The following SRRM4 variants were observed in gnomAD, a reference collection of about 807,000 sequenced individuals.
SRRM4 encodes serine/arginine repetitive matrix 4.
In SRRM4, 33 loss-of-function variants were observed where a neutral mutation model predicts 68.9. The ratio of observed to expected loss-of-function variants is 0.48; its 90% confidence interval spans 0.36 to 0.64. The LOEUF (loss-of-function observed/expected upper bound fraction) is 0.64, where lower values mean the gene tolerates loss of function less well. SRRM4 is among the 30% of genes least tolerant of loss of function. SRRM4 has a pLI of 0.00. For missense variants in SRRM4, 817 were observed against 827.1 expected (o/e 0.99, Z 0.15); for synonymous variants, 318 against 318.8 (o/e 1.00, Z 0.03).
chr12:119,063,398 C>A (rs1252284451), intron 1 of SRRM4, among the ~76,000 whole-genome samples: 1 of 152,090 alleles, frequency 6.6e-6, no homozygotes, highest in East Asian at 1.9e-4. Context: ...CATGGGCTGG[C>A]CAGAGACCCT....
chr12:119,137,575 G>T, intron 8 of SRRM4, among the ~76,000 whole-genome samples: 1 of 141,662 alleles, frequency 7.1e-6, no homozygotes, highest in Admixed American at 7.2e-5. Flanking sequence ...GAGATGAGGC[G>T]AGGTTTGGAG....
At chr12:119,091,578 A>T (rs916035313) in intron 1 of SRRM4, among the ~76,000 whole-genome samples, 29 of 152,218 alleles carry the variant, frequency 1.9e-4, no homozygotes, top group African/African-American at 6.8e-4. Flanking sequence ...ACCATGTGCC[A>T]GATACTAAGT....
rs752707970 is a variant in SRRM4 at position 118,981,553 on chromosome 12, A to G, written c.-330A>G. Reference sequence around the variant, plus strand: ...CCGGAGCTCACACGCGCACGCACACACATCCGACCCCGTCGCCTCTTCTCT... The same window carrying G: ...CCGGAGCTCACACGCGCACGCACACGCATCCGACCCCGTCGCCTCTTCTCT... On this transcript the variant is annotated 5_prime_UTR_variant, in exon 1 of 13. Transcript: ENST00000267260. 25 of 248,252 alleles carry G rather than the reference A, an allele frequency of 1.0e-4. No individual in the cohort carries two copies. Among genetic ancestry groups the G allele is most frequent in the Non-Finnish European group, 6.2e-5 (8 of 129,064 alleles). The allele number at this position is 248,252 out of a possible 1,614,324, so 15.4% of individuals were successfully genotyped here.
intron 2 of SRRM4, among the ~76,000 whole-genome samples, chr12:119,111,072 T>C (rs938382171): frequency 3.3e-5 from 5 of 152,186 alleles, no homozygotes; most frequent in Non-Finnish European, 5.9e-5. Context: ...TAACTACCAT[T>C]TGTTTAACCA....
At position 119,120,230 on chromosome 12, in the gene SRRM4, TTTTC is replaced by T. The variant is rs1259599061; in HGVS notation, c.438-8_438-5del. The T allele has an allele frequency of 3.3e-6, 5 of 1,531,662 alleles. No homozygotes were observed. Among genetic ancestry groups the T allele is most frequent in the Non-Finnish European group, 4.4e-6 (5 of 1,131,996 alleles). The allele number at this position is 1,531,662 out of a possible 1,614,324, so 94.9% of individuals were successfully genotyped here. A position where few individuals can be genotyped will look rare whatever the true frequency, so the allele number is the denominator to read the frequency against. ...TTTCTTTGATTCTTCTTTTCATTTT[TTTTC>T]TTTCTTTCTTTTCAGGTCATTCTCC... On this transcript the variant is annotated splice_polypyrimidine_tract_variant and intron_variant, in intron 4 of 12. Transcript: ENST00000267260.
chr12:119,107,006 G>A (rs1157090496), intron 2 of SRRM4, among the ~76,000 whole-genome samples: 2 of 152,146 alleles, frequency 1.3e-5, no homozygotes, highest in Admixed American at 1.3e-4. Flanking sequence ...TTTATTGAGA[G>A]TTTTTAGCAT....
At chr12:119,030,691 T>A (rs1409069959) in intron 1 of SRRM4, among the ~76,000 whole-genome samples, 2 of 152,228 alleles carry the variant, frequency 1.3e-5, no homozygotes, top group East Asian at 3.8e-4. Context: ...TTTTTCTCAC[T>A]TAACAATATA....
At chr12:119,021,823 C>G (rs1157154045) in intron 1 of SRRM4, among the ~76,000 whole-genome samples, 1 of 152,154 alleles carries the variant, frequency 6.6e-6, no homozygotes, top group East Asian at 1.9e-4. Context: ...TTTATCTAGT[C>G]TATCATTGAT....
intron 7 of SRRM4, among the ~76,000 whole-genome samples, chr12:119,129,724 A>G (rs923390305): frequency 8.5e-5 from 13 of 152,250 alleles, no homozygotes; most frequent in African/African-American, 3.1e-4. Flanking sequence ...GTATTTGTCA[A>G]ATGAACAAGT....
At chr12:119,116,312 C>T (rs888130860) in intron 3 of SRRM4, among the ~76,000 whole-genome samples, 2 of 152,206 alleles carry the variant, frequency 1.3e-5, no homozygotes, top group African/African-American at 4.8e-5. Flanking sequence ...CTCAGAGTAG[C>T]TCTGTTGCTC....
In SRRM4 at chr12:119,161,916, T is replaced by TA. The variant is rs1491152124; in HGVS notation, c.*5118_*5119insA. The stretch of plus-strand genomic sequence containing the variant: ...AAAAATAAAGAAAAATTGTAAACTC[T>TA]TTTTTTTTTCTGGCCAAGGAAAGCT... On this transcript the variant is annotated 3_prime_UTR_variant, in exon 13 of 13. Coordinates refer to ENST00000267260, the MANE Select transcript of SRRM4 (RefSeq NM_194286.4). The TA allele has an allele frequency of 2.0e-5, 3 of 148,602 alleles. No individual in the cohort carries two copies. Among genetic ancestry groups the TA allele is most frequent in the Non-Finnish European group, 3.0e-5 (2 of 66,538 alleles). The allele number at this position is 148,602 out of a possible 1,614,324, so 9.2% of individuals were successfully genotyped here.
chr12:119,130,375 C>G (rs1954288866), intron 7 of SRRM4, among the ~76,000 whole-genome samples: 1 of 120,074 alleles, frequency 8.3e-6, no homozygotes. Flanking sequence ...TGAGAGATGG[C>G]TAGTTAGATG....
Position 119,151,229 on chromosome 12 carries a change from G to A in SRRM4, c.1280+9G>A. ...ACCTCTTCTGAAAAAAGGTGAGTGTGGTTTTGACCTTTGCTCTGCAGCACC... is the reference window on the plus strand; with the variant it reads ...ACCTCTTCTGAAAAAAGGTGAGTGTAGTTTTGACCTTTGCTCTGCAGCACC... On this transcript the variant is annotated intron_variant, in intron 10 of 12. Transcript: ENST00000267260. 1.9e-6 allele frequency: 3 copies of A among 1,612,122 alleles called. No individual in the cohort carries two copies. Among genetic ancestry groups the A allele is most frequent in the African/African-American group, 1.3e-5 (1 of 75,012 alleles).
intron 1 of SRRM4, among the ~76,000 whole-genome samples, chr12:119,033,704 C>T (rs912711990): frequency 4.6e-5 from 7 of 151,036 alleles, no homozygotes; most frequent in South Asian, 2.1e-4. Context: ...AGACATGTTT[C>T]GTGTTTCTTT....
chr12:118,982,080 C>T, intron 1 of SRRM4, 67 bp downstream of exon 1: 2 of 1,525,244 alleles, frequency 1.3e-6, no homozygotes, highest in African/African-American at 1.4e-5. Flanking sequence ...CCCCAGAGCC[C>T]GGAGGGGTGG....
chr12:119,108,663 CATTTGCTTGGTAG>C (rs1269683076), intron 2 of SRRM4, among the ~76,000 whole-genome samples: 1 of 150,346 alleles, frequency 6.7e-6, no homozygotes, highest in Non-Finnish European at 1.5e-5. Flanking sequence ...TTTTGTTTTC[CATTTGCTTGGTAG>C]ATCTTCCTCC....
At chr12:118,996,489 A>G (rs1031381142) in intron 1 of SRRM4, among the ~76,000 whole-genome samples, 2 of 152,274 alleles carry the variant, frequency 1.3e-5, no homozygotes, top group African/African-American at 4.8e-5. Flanking sequence ...ACTAGTGACT[A>G]GAAAGCAGGG....
chr12:119,151,093 C>A lies in SRRM4; in HGVS notation c.1153C>A (p.Pro385Thr), dbSNP rs370821738. The A allele has an allele frequency of 2.5e-6, 4 of 1,614,004 alleles. No homozygotes were observed. Among genetic ancestry groups the A allele is most frequent in the Non-Finnish European group, 3.4e-6 (4 of 1,179,888 alleles). Residue 385 changes from proline (P) to threonine (T), a missense_variant, in exon 10 of 13, where the codon CCC (proline) becomes ACC (threonine). Pro to Thr is a conservative substitution (Grantham distance 38). Transcript: ENST00000267260. ...GGTCCCATCCACAGCCCGGAGCTCA[C>A]CCATGAAAGGGTGTTCCCGCAGCTC... ...SLVPSTARSS[P>T]MKGCSRSSSY...
At chr12:119,120,785 T>TGGGA (rs1954214589) in intron 5 of SRRM4, among the ~76,000 whole-genome samples, 1 of 152,230 alleles carries the variant, frequency 6.6e-6, no homozygotes, top group Admixed American at 6.5e-5. Flanking sequence ...GTGGATATGT[T>TGGGA]TATTGTTCCC....
Sources: allele counts gnomAD v4.1 joint callset (sites outside exome capture counted in the v4.1 genomes callset), GRCh38; gene constraint gnomAD v4.1.1; transcripts MANE v1.5; gene names NCBI Gene and HGNC (gene_info 2026-07-23, HGNC 2026-07-21).